SYT1: variants seen among roughly 807,000 people sequenced by gnomAD.
SYT1 encodes the protein synaptotagmin-1.
A neutral mutation model predicts 44.8 loss-of-function variants in SYT1; 8 were observed. The observed-to-expected ratio is 0.18, with a 90% confidence interval of 0.10 to 0.32. The LOEUF is 0.32. Among genes scored for constraint, SYT1 ranks in the 10% least tolerant of loss-of-function variants. The pLI, the probability that SYT1 is intolerant of heterozygous loss-of-function variation, is 1.00. For synonymous variants in SYT1, 154 were observed against 188.8 expected (o/e 0.82, Z 1.51); for missense variants, 286 against 509.3 (o/e 0.56, Z 4.22).
At chr12:79,079,681 GC>G (rs1876894624) in intron 3 of SYT1, among the ~76,000 whole-genome samples, 1 of 151,922 alleles carries the variant, frequency 6.6e-6, no homozygotes, top group Admixed American at 6.6e-5. Context: ...TTTGAAACAT[GC>G]ACGTTATGTT....
At chr12:79,176,520 C>G (rs1457762075) in intron 3 of SYT1, among the ~76,000 whole-genome samples, 2 of 151,948 alleles carry the variant, frequency 1.3e-5, no homozygotes, top group African/African-American at 4.8e-5. Flanking sequence ...ATTCATTTGT[C>G]AATACTAAAT....
In SYT1 at chr12:79,254,368, A is replaced by C. The variant is rs1207612835; in HGVS notation, c.167-31419A>C. Among the ~76,000 whole-genome samples the C allele has an allele frequency of 3.3e-5, 5 of 152,320 alleles. No individual in the cohort carries two copies. The East Asian group carries it at 9.6e-4, about 29-fold the overall frequency. Reference sequence around the variant, plus strand: ...ATCTGTTTACAGCATGGTTTATTGAATATTTTAAGCCCATTGTTGAGACCT... The same window carrying C: ...ATCTGTTTACAGCATGGTTTATTGACTATTTTAAGCCCATTGTTGAGACCT... On this transcript the variant is annotated intron_variant, in intron 4 of 10. Coordinates refer to ENST00000261205, the MANE Select transcript of SYT1 (RefSeq NM_005639.3).
intron 6 of SYT1, among the ~76,000 whole-genome samples, chr12:79,292,841 C>T (rs1879654678): frequency 6.6e-6 from 1 of 152,078 alleles, no homozygotes; most frequent in Non-Finnish European, 1.5e-5. Context: ...TTATTGACTG[C>T]CTGTCAATAA....
At chr12:78,992,427 C>T (rs560678274) in intron 2 of SYT1, among the ~76,000 whole-genome samples, 3 of 152,000 alleles carry the variant, frequency 2.0e-5, no homozygotes, top group South Asian at 2.1e-4. Context: ...GCCATGGAAT[C>T]GAATTAGTGG....
intron 1 of SYT1, among the ~76,000 whole-genome samples, chr12:78,888,963 T>C (rs1874896039): frequency 6.6e-6 from 1 of 151,950 alleles, no homozygotes; most frequent in Admixed American, 6.6e-5. Context: ...TGTAATTAGA[T>C]TAATACCTAA....
chr12:79,172,156 C>T (rs139027588), intron 3 of SYT1, among the ~76,000 whole-genome samples: 1 of 152,004 alleles, frequency 6.6e-6, no homozygotes, highest in East Asian at 1.9e-4. Context: ...ATAATAATTG[C>T]ATTTCATTGG....
At chr12:78,894,330 GTTTTTTTTTTTTTTTTTT>G (rs566175647) in intron 1 of SYT1, among the ~76,000 whole-genome samples, 3 of 27,710 alleles carry the variant, frequency 1.1e-4, no homozygotes, top group African/African-American at 2.4e-4. Context: ...TTTTTAATCT[GTTTTTTTTTTTTTTTTTT>G]TTTTTTTTTT....
At chr12:79,253,106 T>C (rs1241089258) in intron 4 of SYT1, among the ~76,000 whole-genome samples, 8 of 152,140 alleles carry the variant, frequency 5.3e-5, no homozygotes, top group Non-Finnish European at 1.2e-4. Context: ...TGCTAAATCT[T>C]ATATCCAACC....
At chr12:79,384,944 A>G (rs2136080392) in intron 9 of SYT1, among the ~76,000 whole-genome samples, 1 of 150,752 alleles carries the variant, frequency 6.6e-6, no homozygotes, top group Admixed American at 6.6e-5. Flanking sequence ...AGTTATTCCC[A>G]CCAAGCAATT....
At chr12:79,033,145 C>A (rs1206871595) in intron 2 of SYT1, among the ~76,000 whole-genome samples, 2 of 151,286 alleles carry the variant, frequency 1.3e-5, no homozygotes, top group East Asian at 3.9e-4. Flanking sequence ...AGATTGGAAG[C>A]TGAGAAAACA....
intron 3 of SYT1, among the ~76,000 whole-genome samples, chr12:79,178,838 C>T (rs916603168): frequency 2.7e-5 from 4 of 149,232 alleles, no homozygotes; most frequent in South Asian, 2.1e-4. Context: ...AGTGCGATGG[C>T]GTGATCTCGG....
intron 3 of SYT1, among the ~76,000 whole-genome samples, chr12:79,159,727 A>C (rs998602465): frequency 6.6e-6 from 1 of 152,162 alleles, no homozygotes; most frequent in Non-Finnish European, 1.5e-5. Context: ...TACACAGAAA[A>C]CCATTAGCAT....
intron 2 of SYT1, among the ~76,000 whole-genome samples, chr12:79,035,549 A>G (rs976093521): frequency 1.5e-4 from 23 of 151,576 alleles, no homozygotes; most frequent in Admixed American, 1.3e-3. Context: ...AAATGAAATA[A>G]TTCCTTTGCA....
intron 3 of SYT1, among the ~76,000 whole-genome samples, chr12:79,152,585 C>A (rs910069441): frequency 5.9e-5 from 9 of 152,000 alleles, no homozygotes; most frequent in Non-Finnish European, 8.8e-5. Context: ...CATATAATCT[C>A]ATATTACCTA....
chr12:79,298,499 A>G (rs1023450519), intron 7 of SYT1, among the ~76,000 whole-genome samples: 7 of 152,160 alleles, frequency 4.6e-5, no homozygotes, highest in Non-Finnish European at 7.4e-5. Flanking sequence ...ATTTACACTG[A>G]TAAAATAATA....
chr12:79,440,031 G>C (rs560067110), intron 9 of SYT1, among the ~76,000 whole-genome samples: 1 of 152,154 alleles, frequency 6.6e-6, no homozygotes, highest in African/African-American at 2.4e-5. Flanking sequence ...CTCAAGACCA[G>C]CCTGGCCAAC....
intron 1 of SYT1, among the ~76,000 whole-genome samples, chr12:78,873,128 G>A (rs934288167): frequency 1.3e-5 from 2 of 151,558 alleles, no homozygotes; most frequent in South Asian, 2.1e-4. Context: ...ATAATGAAGA[G>A]GTTCTCTCTC....
intron 3 of SYT1, among the ~76,000 whole-genome samples, chr12:79,150,668 G>A (rs1395255947): frequency 6.6e-6 from 1 of 152,152 alleles, no homozygotes; most frequent in Admixed American, 6.5e-5. Flanking sequence ...TCATGCCAAG[G>A]TGCAGAGGTG....
intron 3 of SYT1, among the ~76,000 whole-genome samples, chr12:79,163,938 A>C (rs987006265): frequency 1.3e-5 from 2 of 152,048 alleles, no homozygotes; most frequent in African/African-American, 4.8e-5. Context: ...TTCTTCAATC[A>C]GGCTGTTGGT....
Sources: allele counts gnomAD v4.1 joint callset (sites outside exome capture counted in the v4.1 genomes callset), GRCh38; gene constraint gnomAD v4.1.1; transcripts MANE v1.5; gene names NCBI Gene and HGNC (gene_info 2026-07-23, HGNC 2026-07-21).